Variants in UBE4B observed in about 807,000 individuals in gnomAD.
The protein encoded by UBE4B is ubiquitination factor E4B.
Under a neutral mutation model 148.1 loss-of-function variants are expected in UBE4B, and 27 were observed. That is an observed-to-expected ratio of 0.18 (90% CI 0.13 to 0.25). UBE4B has a LOEUF of 0.25. UBE4B is among the 10% of genes least tolerant of loss of function. The pLI is 1.00. For synonymous variants in UBE4B, 596 were observed against 619.3 expected, an observed-to-expected ratio of 0.96 and a Z score of 0.56; for missense variants, 1,170 against 1,662.4, an observed-to-expected ratio of 0.70 and a Z score of 5.15.
intron 8 of UBE4B, among the ~76,000 whole-genome samples, chr1:10,118,624 C>T (rs1004002018): frequency 6.6e-6 from 1 of 151,970 alleles, no homozygotes; most frequent in Non-Finnish European, 1.5e-5. Context: ...CCTGCCTCAG[C>T]CTCCCGAGTA....
intron 2 of UBE4B, among the ~76,000 whole-genome samples, chr1:10,080,426 A>AAAAG (rs201059375): frequency 1.5e-4 from 23 of 151,734 alleles, no homozygotes; most frequent in South Asian, 2.1e-4. Flanking sequence ...CAAAAAAAAA[A>AAAAG]AAAGAAAGAA....
At chr1:10,088,845 A>AT (rs963508554) in intron 2 of UBE4B, among the ~76,000 whole-genome samples, 4 of 151,224 alleles carry the variant, frequency 2.6e-5, no homozygotes, top group Admixed American at 2.0e-4. Flanking sequence ...TGCCCAACTA[A>AT]TTTTTTTATT....
chr1:10,052,092 G>T (rs1182706077), intron 1 of UBE4B, among the ~76,000 whole-genome samples: 2 of 150,368 alleles, frequency 1.3e-5, no homozygotes, highest in African/African-American at 4.9e-5. Flanking sequence ...TTTGAGACGG[G>T]GTCTTGCTCT....
intron 5 of UBE4B, among the ~76,000 whole-genome samples, chr1:10,103,443 ATTTATTTT>A (rs1481064504): frequency 2.6e-5 from 3 of 114,148 alleles, no homozygotes; most frequent in Admixed American, 2.6e-4. Flanking sequence ...TTATTTATTT[ATTTATTTT>A]GAGATGGAAT....
At chr1:10,148,981 C>T (rs1164737376) in intron 19 of UBE4B, among the ~76,000 whole-genome samples, 1 of 152,120 alleles carries the variant, frequency 6.6e-6, no homozygotes, top group Non-Finnish European at 1.5e-5. Context: ...AAACATTTCA[C>T]ACATACCCTT....
At chr1:10,059,607 G>T in intron 1 of UBE4B, 1 of 201,712 alleles carries the variant, frequency 5.0e-6, no homozygotes, top group South Asian at 9.6e-5. Context: ...GAGACGAAGA[G>T]GCTGTGCATA....
At chr1:10,177,006 C>A (rs1403329133) in intron 25 of UBE4B, among the ~76,000 whole-genome samples, 8 of 150,426 alleles carry the variant, frequency 5.3e-5, no homozygotes, top group Non-Finnish European at 7.4e-5. Context: ...CCAGGATGGT[C>A]TCGATCTCCT....
chr1:10,177,801 C>T (rs1156477450), intron 25 of UBE4B, among the ~76,000 whole-genome samples: 1 of 152,152 alleles, frequency 6.6e-6, no homozygotes. Flanking sequence ...TAAATACAAA[C>T]TACAGCATAC....
intron 23 of UBE4B, among the ~76,000 whole-genome samples, chr1:10,162,160 G>A (rs752132102): frequency 2.6e-5 from 4 of 151,812 alleles, no homozygotes; most frequent in Admixed American, 6.6e-5. Context: ...CACCACACCT[G>A]GCTAGTTTTT....
chr1:10,130,080 A>G (rs1645567931), intron 12 of UBE4B, among the ~76,000 whole-genome samples: 1 of 151,164 alleles, frequency 6.6e-6, no homozygotes, highest in Non-Finnish European at 1.5e-5. Context: ...AAACTTAAAC[A>G]TTCTTTTTTT....
chr1:10,123,859 C>T (rs1445783751), intron 10 of UBE4B, among the ~76,000 whole-genome samples: 4 of 152,144 alleles, frequency 2.6e-5, no homozygotes, highest in Admixed American at 1.3e-4. Flanking sequence ...CTGCAACCTC[C>T]GCCTCCCGGG....
rs189313737 is a variant in UBE4B, at chr1:10,179,411, C to T, written c.3701-5C>T. Reference sequence around the variant, plus strand: ...ATTAGAGTTTGCTTTGCTTTGTCCCCGCAGACCCTCTGATGGACACCCTCA... The same window carrying T: ...ATTAGAGTTTGCTTTGCTTTGTCCCTGCAGACCCTCTGATGGACACCCTCA... On this transcript the variant is annotated splice_polypyrimidine_tract_variant and splice_region_variant and intron_variant, in intron 26 of 27. Transcript: ENST00000343090. 1.0e-4 allele frequency: 164 copies of T among 1,613,584 alleles called. No individual in the cohort carries two copies. Among genetic ancestry groups the T allele is most frequent in the Non-Finnish European group, 1.3e-4 (154 of 1,179,892 alleles).
chr1:10,052,625 G>C (rs1644073587), intron 1 of UBE4B, among the ~76,000 whole-genome samples: 1 of 152,184 alleles, frequency 6.6e-6, no homozygotes, highest in Non-Finnish European at 1.5e-5. Flanking sequence ...ATGCTCTGCT[G>C]TTGCTGTCTT....
rs1391481786 is a variant in UBE4B at position 10,055,454 on chromosome 1, A to G, written c.25-16574A>G. ...CTTAGCCTCCTGAGTAGCTAGGACTACAGGCGTGTGCTGCCACACCCAGCT... is the reference window on the plus strand; with the variant it reads ...CTTAGCCTCCTGAGTAGCTAGGACTGCAGGCGTGTGCTGCCACACCCAGCT... On this transcript the variant is annotated intron_variant, in intron 1 of 27. Coordinates refer to ENST00000343090, the MANE Select transcript of UBE4B (RefSeq NM_001105562.3). Among the ~76,000 whole-genome samples, 6 of 152,104 alleles carry G rather than the reference A, an allele frequency of 3.9e-5. No homozygotes were observed. In the South Asian group the frequency reaches 6.2e-4, roughly 16 times the overall value.
chr1:10,173,717 C>G (rs1455335752), intron 25 of UBE4B, among the ~76,000 whole-genome samples: 1 of 152,196 alleles, frequency 6.6e-6, no homozygotes, highest in East Asian at 1.9e-4. Context: ...CCATCGTTGC[C>G]GTAGAGAGAC....
At chr1:10,150,729 A>G (rs962256700) in intron 20 of UBE4B, among the ~76,000 whole-genome samples, 2 of 151,736 alleles carry the variant, frequency 1.3e-5, no homozygotes, top group African/African-American at 2.4e-5. Flanking sequence ...GCATGGTGGC[A>G]GGCACCTGTA....
chr1:10,056,005 T>C (rs1280345353), intron 1 of UBE4B, among the ~76,000 whole-genome samples: 1 of 152,172 alleles, frequency 6.6e-6, no homozygotes, highest in Non-Finnish European at 1.5e-5. Flanking sequence ...TTGAACCAAG[T>C]AGGATCAAAG....
chr1:10,135,321 G>A, intron 16 of UBE4B, 135 bp downstream of exon 16: 1 of 968,860 alleles, frequency 1.0e-6, no homozygotes, highest in Non-Finnish European at 1.5e-6. Context: ...AATTAATACA[G>A]TAGGCCTGGC....
At chr1:10,162,834 T>C (rs1553154129) in intron 23 of UBE4B, among the ~76,000 whole-genome samples, 1 of 152,022 alleles carries the variant, frequency 6.6e-6, no homozygotes, top group Non-Finnish European at 1.5e-5. Flanking sequence ...TCTCCGTCCA[T>C]GTGTACCAAT....
Sources: gnomAD v4.1 joint callset for allele counts (sites outside exome capture counted in the v4.1 genomes callset) on GRCh38, gnomAD v4.1.1 for gene constraint, MANE v1.5 for transcripts, NCBI Gene and HGNC (gene_info 2026-07-23, HGNC 2026-07-21) for gene names.